Variants in GRID2 observed in about 807,000 individuals in gnomAD.
The protein encoded by GRID2 is glutamate ionotropic receptor delta type subunit 2, also known as glutamate receptor ionotropic, delta-2.
In GRID2, 33 loss-of-function variants were observed where a neutral mutation model predicts 114.8. The observed-to-expected ratio is 0.29, with a 90% CI of 0.22 to 0.38. GRID2 has a LOEUF of 0.38. Among genes scored for constraint, GRID2 ranks in the 10% least tolerant of loss-of-function variants. The probability of loss-of-function intolerance (pLI) is 1.00; values close to 1 mark genes in which losing one functional copy is unlikely to be tolerated. For synonymous variants in GRID2, 505 were observed against 449.9 expected (o/e 1.12, Z -1.55); for missense variants, 1,184 against 1,257.7 (o/e 0.94, Z 0.89).
intron 2 of GRID2, among the ~76,000 whole-genome samples, chr4:92,591,490 C>T (rs996514026): frequency 7.9e-5 from 12 of 152,006 alleles, no homozygotes; most frequent in Non-Finnish European, 1.5e-5. Context: ...ACATTTGCCT[C>T]ATTAAAAATT....
At chr4:92,599,053 GTCTC>G (rs140216682) in intron 2 of GRID2, among the ~76,000 whole-genome samples, 5 of 88,582 alleles carry the variant, frequency 5.6e-5, no homozygotes, top group Non-Finnish European at 8.7e-5. Context: ...TTTTTTTCCT[GTCTC>G]TCTCTCTCTC....
chr4:93,448,511 T>C (rs1429534347), intron 10 of GRID2, among the ~76,000 whole-genome samples: 4 of 151,966 alleles, frequency 2.6e-5, no homozygotes, highest in Admixed American at 2.0e-4. Context: ...TTGACAAAAG[T>C]CAATCATATA....
chr4:92,972,715 C>T (rs1287552971), intron 2 of GRID2, among the ~76,000 whole-genome samples: 1 of 151,872 alleles, frequency 6.6e-6, no homozygotes. Flanking sequence ...GGTATTAAGC[C>T]TAGTACCCAC....
chr4:93,429,036 T>C (rs891746341), intron 10 of GRID2, among the ~76,000 whole-genome samples: 3 of 152,180 alleles, frequency 2.0e-5, no homozygotes, highest in Non-Finnish European at 4.4e-5. Flanking sequence ...TGCCCCTTGA[T>C]CAGACCTGGA....
chr4:92,359,278 A>G (rs1480784519), intron 1 of GRID2, among the ~76,000 whole-genome samples: 1 of 151,962 alleles, frequency 6.6e-6, no homozygotes, highest in Non-Finnish European at 1.5e-5. Context: ...TGGAAAGCTT[A>G]GGACCACTGT....
At chr4:92,681,656 A>C (rs894278809) in intron 2 of GRID2, among the ~76,000 whole-genome samples, 1 of 152,280 alleles carries the variant, frequency 6.6e-6, no homozygotes, top group Middle Eastern at 3.4e-3. Flanking sequence ...AAACCTGCAC[A>C]TTGTGCACAT....
At chr4:92,739,209 A>G (rs1446880248) in intron 2 of GRID2, among the ~76,000 whole-genome samples, 1 of 152,174 alleles carries the variant, frequency 6.6e-6, no homozygotes, top group African/African-American at 2.4e-5. Context: ...ACAACTTTAG[A>G]TCATTACAGA....
chr4:93,402,235 G>T (rs937674133), intron 9 of GRID2, among the ~76,000 whole-genome samples: 5 of 152,136 alleles, frequency 3.3e-5, no homozygotes, highest in Non-Finnish European at 5.9e-5. Flanking sequence ...CAGTCAAAAG[G>T]TATGACTTTT....
rs117425781 is a variant in GRID2, at chr4:92,839,673, T to C, written c.245-245322T>C. Among the ~76,000 whole-genome samples, 1,453 of 152,128 alleles carry C rather than the reference T, an allele frequency of 9.6e-3. 24 individuals carry two copies. The highest frequency in any genetic ancestry group is 0.075 in the East Asian group (387 of 5,152). ...ATTTACTTCTATTTTTATTCCATTG[T>C]AGTCAGAGAAGATGCTTGATATTAT... is the stretch of plus-strand genomic sequence containing the variant. On this transcript the variant is annotated intron_variant, in intron 2 of 15. Coordinates refer to ENST00000282020, the MANE Select transcript of GRID2 (RefSeq NM_001510.4).
At chr4:93,349,644 T>C (rs538153804) in intron 8 of GRID2, among the ~76,000 whole-genome samples, 60 of 151,990 alleles carry the variant, frequency 3.9e-4, no homozygotes, top group Non-Finnish European at 1.3e-4. Context: ...CAGGAGAAAA[T>C]TTAAGCTTAT....
chr4:93,766,062 C>T (rs986735116), intron 14 of GRID2, among the ~76,000 whole-genome samples: 10 of 151,978 alleles, frequency 6.6e-5, no homozygotes, highest in African/African-American at 2.2e-4. Flanking sequence ...TGAGTATATT[C>T]CATCAATAAA....
chr4:93,040,254 A>G (rs1725377636), intron 2 of GRID2, among the ~76,000 whole-genome samples: 1 of 151,818 alleles, frequency 6.6e-6, no homozygotes, highest in Non-Finnish European at 1.5e-5. Context: ...AGCAACCTGC[A>G]TAGTCATTAA....
At chr4:92,993,136 T>G (rs1160966076) in intron 2 of GRID2, among the ~76,000 whole-genome samples, 1 of 152,114 alleles carries the variant, frequency 6.6e-6, no homozygotes, top group Non-Finnish European at 1.5e-5. Context: ...CTAGCTTACT[T>G]GAGAGTGGCT....
chr4:93,258,317 G>T (rs1749852382), intron 8 of GRID2, among the ~76,000 whole-genome samples: 2 of 151,500 alleles, frequency 1.3e-5, no homozygotes, highest in South Asian at 4.2e-4. Context: ...AACTAGCAAA[G>T]ATATTTAAGT....
At chr4:92,688,020 G>T (rs1454612460) in intron 2 of GRID2, among the ~76,000 whole-genome samples, 1 of 125,014 alleles carries the variant, frequency 8.0e-6, no homozygotes, top group Non-Finnish European at 1.7e-5. Flanking sequence ...TTGCCACATT[G>T]GTTGACCCTT....
chr4:92,609,680 C>T (rs1441579263), intron 2 of GRID2, among the ~76,000 whole-genome samples: 2 of 151,068 alleles, frequency 1.3e-5, no homozygotes, highest in African/African-American at 2.4e-5. Flanking sequence ...CTCGTGACCA[C>T]ATTAGTACCT....
chr4:93,138,577 G>A (rs888396235), intron 4 of GRID2, among the ~76,000 whole-genome samples: 4 of 152,102 alleles, frequency 2.6e-5, no homozygotes, highest in African/African-American at 9.7e-5. Context: ...AGATACTGCT[G>A]TAACTACTCC....
chr4:92,622,541 T>C (rs1209622510), intron 2 of GRID2, among the ~76,000 whole-genome samples: 1 of 151,780 alleles, frequency 6.6e-6, no homozygotes. Flanking sequence ...AATACTATTT[T>C]TTCCCCTTGG....
In GRID2 at chr4:92,941,176, C is replaced by G. The variant is rs543836682; in HGVS notation, c.245-143819C>G. ...TCCTCCTTGTACCTCTGGTAGAATT[C>G]GGCTGTGAATCCCTCTGGTCCTGGA... is the stretch of plus-strand genomic sequence containing the variant. On this transcript the variant is annotated intron_variant, in intron 2 of 15. Coordinates refer to ENST00000282020, the MANE Select transcript of GRID2 (RefSeq NM_001510.4). 2.6e-5 allele frequency among the ~76,000 whole-genome samples: 4 copies of G among 152,078 alleles called. No homozygotes were observed. In the South Asian group the frequency reaches 8.3e-4, roughly 32 times the overall value.
Sources: allele counts gnomAD v4.1 joint callset (sites outside exome capture counted in the v4.1 genomes callset), GRCh38; gene constraint gnomAD v4.1.1; transcripts MANE v1.5; gene names NCBI Gene and HGNC (gene_info 2026-07-23, HGNC 2026-07-21).